The following UBE2E2 variants were observed in gnomAD, a reference collection of about 807,000 sequenced individuals.
UBE2E2 encodes the protein ubiquitin-conjugating enzyme E2 E2.
In UBE2E2, 6 loss-of-function variants were observed where a neutral mutation model predicts 24.7. The observed-to-expected ratio is 0.24, with a 90% CI of 0.13 to 0.48. The LOEUF (loss-of-function observed/expected upper bound fraction) is 0.48. UBE2E2 is among the 20% of genes least tolerant of loss of function. UBE2E2 has a pLI of 0.99. For synonymous variants in UBE2E2, 104 were observed against 83.6 expected, an observed-to-expected ratio of 1.24 and a Z score of -1.33; for missense variants, 169 against 245.0, an observed-to-expected ratio of 0.69 and a Z score of 2.07.
At chr3:23,266,013 A>G (rs1321581995) in intron 3 of UBE2E2, among the ~76,000 whole-genome samples, 3 of 151,864 alleles carry the variant, frequency 2.0e-5, no homozygotes, top group Non-Finnish European at 4.4e-5. Context: ...ATCTTCCTCC[A>G]TCCTTTTATT....
At chr3:23,585,873 C>CA (rs200129554) in intron 5 of UBE2E2, among the ~76,000 whole-genome samples, 44,970 of 137,806 alleles carry the variant, frequency 0.33, 7,507 homozygotes, top group East Asian at 0.5. Context: ...ACTGTCTCAA[C>CA]AAAAAAAAAA....
rs140599958 is a variant in UBE2E2, at chr3:23,219,313, T to G, written c.227+2001T>G. 4.3e-4 allele frequency among the ~76,000 whole-genome samples: 65 copies of G among 152,308 alleles called. 1 individual carries two copies. In the East Asian group the frequency reaches 0.012, roughly 27 times the overall value. On this transcript the variant is annotated intron_variant, in intron 3 of 5. Coordinates refer to ENST00000396703, the MANE Select transcript of UBE2E2 (RefSeq NM_152653.4). ...TGTAAAACTGGTTAATCAACACTTA[T>G]CAGTGTGCTTGTGTTACTTAATATG...
chr3:23,466,044 A>T (rs1159967198), intron 3 of UBE2E2, among the ~76,000 whole-genome samples: 2 of 152,220 alleles, frequency 1.3e-5, no homozygotes, highest in Non-Finnish European at 1.5e-5. Flanking sequence ...ACCTATAAAG[A>T]TATCATCCAA....
intron 3 of UBE2E2, among the ~76,000 whole-genome samples, chr3:23,317,137 C>A (rs1575556843): frequency 1.3e-5 from 2 of 152,272 alleles, no homozygotes; most frequent in South Asian, 4.2e-4. Context: ...CATGTGTCCC[C>A]CCAAATGTGC....
intron 3 of UBE2E2, among the ~76,000 whole-genome samples, chr3:23,305,243 A>T (rs1326709176): frequency 6.6e-6 from 1 of 152,232 alleles, no homozygotes; most frequent in Non-Finnish European, 1.5e-5. Flanking sequence ...TCAATTAAAA[A>T]TGGCATTCCA....
chr3:23,421,005 T>C (rs1697783274), intron 3 of UBE2E2, among the ~76,000 whole-genome samples: 2 of 152,174 alleles, frequency 1.3e-5, no homozygotes, highest in Admixed American at 6.5e-5. Context: ...AAACGAAAGT[T>C]ATAGGAGGGA....
intron 3 of UBE2E2, among the ~76,000 whole-genome samples, chr3:23,231,890 A>G (rs1696983998): frequency 6.6e-6 from 1 of 152,206 alleles, no homozygotes. Flanking sequence ...GATCCTGAGC[A>G]CAGGAGCTTC....
chr3:23,294,697 TTATA>T lies in UBE2E2; in HGVS notation c.227+77388_227+77391del, dbSNP rs890351023. Among the ~76,000 whole-genome samples, 71 of 146,858 alleles carry T rather than the reference TTATA, an allele frequency of 4.8e-4. No individual in the cohort carries two copies. The Middle Eastern group carries it at 0.011, about 22-fold the overall frequency. On this transcript the variant is annotated intron_variant, in intron 3 of 5. Transcript: ENST00000396703. ...TATAATATTTATTTAAATATAATAT[TTATA>T]TAATATATTATAAAATAAATAATAT...
chr3:23,388,850 C>T (rs1002582823), intron 3 of UBE2E2, among the ~76,000 whole-genome samples: 4 of 151,700 alleles, frequency 2.6e-5, no homozygotes, highest in Admixed American at 1.3e-4. Context: ...ACTAAAAATA[C>T]AAAAATTAGC....
intron 3 of UBE2E2, among the ~76,000 whole-genome samples, chr3:23,354,241 A>G (rs899929974): frequency 6.6e-6 from 1 of 152,110 alleles, no homozygotes; most frequent in Non-Finnish European, 1.5e-5. Context: ...TTAATTCAAG[A>G]TGGATTAAAG....
intron 3 of UBE2E2, among the ~76,000 whole-genome samples, chr3:23,303,198 C>T (rs1265311698): frequency 6.6e-6 from 1 of 152,024 alleles, no homozygotes; most frequent in African/African-American, 2.4e-5. Flanking sequence ...TGTCTCCCGT[C>T]ACCCCCAGAT....
intron 3 of UBE2E2, among the ~76,000 whole-genome samples, chr3:23,250,386 A>G (rs1453009127): frequency 6.6e-6 from 1 of 152,222 alleles, no homozygotes; most frequent in Non-Finnish European, 1.5e-5. Flanking sequence ...GTCTATACTC[A>G]GTAAAATTTT....
At chr3:23,274,405 C>T (rs547379607) in intron 3 of UBE2E2, among the ~76,000 whole-genome samples, 15 of 151,958 alleles carry the variant, frequency 9.9e-5, no homozygotes, top group African/African-American at 1.5e-4. Flanking sequence ...CACTGTGTTG[C>T]GGCAGGCTGC....
At chr3:23,350,987 A>G (rs1695731241) in intron 3 of UBE2E2, among the ~76,000 whole-genome samples, 1 of 152,226 alleles carries the variant, frequency 6.6e-6, no homozygotes, top group Non-Finnish European at 1.5e-5. Flanking sequence ...AGCCAGAGAG[A>G]AAGGTCGGGT....
intron 3 of UBE2E2, among the ~76,000 whole-genome samples, chr3:23,288,786 C>CAA (rs1431289759): frequency 6.6e-6 from 1 of 152,050 alleles, no homozygotes; most frequent in Non-Finnish European, 1.5e-5. Context: ...CTTCTCTGAG[C>CAA]AAAAGCAATT....
intron 5 of UBE2E2, among the ~76,000 whole-genome samples, chr3:23,576,432 A>G (rs1373752211): frequency 6.6e-6 from 1 of 152,174 alleles, no homozygotes; most frequent in Non-Finnish European, 1.5e-5. Context: ...AAAAAACATA[A>G]TTTTTAAATT....
At chr3:23,558,971 G>A (rs1430995495) in intron 5 of UBE2E2, among the ~76,000 whole-genome samples, 1 of 152,092 alleles carries the variant, frequency 6.6e-6, no homozygotes, top group Non-Finnish European at 1.5e-5. Flanking sequence ...CCCATAATTA[G>A]TTATTATCAT....
chr3:23,284,300 A>C (rs562296057), intron 3 of UBE2E2, among the ~76,000 whole-genome samples: 103 of 152,228 alleles, frequency 6.8e-4, no homozygotes, highest in Non-Finnish European at 1.3e-3. Context: ...AATTTTAATA[A>C]ATTATATGTG....
chr3:23,548,038 C>T (rs980060606), intron 5 of UBE2E2, among the ~76,000 whole-genome samples: 1 of 152,188 alleles, frequency 6.6e-6, no homozygotes, highest in African/African-American at 2.4e-5. Context: ...ACTCTCTCCT[C>T]TGCCTGCCTG....
Sources: allele counts gnomAD v4.1 joint callset (sites outside exome capture counted in the v4.1 genomes callset), GRCh38; gene constraint gnomAD v4.1.1; transcripts MANE v1.5; gene names NCBI Gene and HGNC (gene_info 2026-07-23, HGNC 2026-07-21).